The following RPS6KA6 variants were observed in gnomAD, a reference collection of about 807,000 sequenced individuals.
RPS6KA6 encodes the protein ribosomal protein S6 kinase A6.
Under a neutral mutation model 65.4 loss-of-function variants are expected in RPS6KA6, and 27 were observed. That is an observed-to-expected ratio of 0.41 (90% CI 0.30 to 0.57). The LOEUF (loss-of-function observed/expected upper bound fraction) is 0.57, where lower values mean the gene tolerates loss of function less well. Ranked by LOEUF, RPS6KA6 falls within the 20% of genes least tolerant of loss-of-function variation. The probability of loss-of-function intolerance (pLI) is 0.24; values close to 1 mark genes in which losing one functional copy is unlikely to be tolerated. For missense variants in RPS6KA6, 486 were observed against 555.6 expected, an observed-to-expected ratio of 0.87 and a Z score of 1.26; for synonymous variants, 190 against 184.2, an observed-to-expected ratio of 1.03 and a Z score of -0.26.
chrX:84,168,589 C>T (rs2035634740), intron 1 of RPS6KA6, among the ~76,000 whole-genome samples: 1 of 111,351 alleles, frequency 9.0e-6, no homozygotes, highest in Non-Finnish European at 1.9e-5. Context: ...AATATTAAGA[C>T]AGAATCGTGA....
At chrX:84,107,154 T>C in intron 13 of RPS6KA6, 114 bp from the exon 14 acceptor site, 1 of 529,196 alleles carries the variant, frequency 1.9e-6, no homozygotes, top group Non-Finnish European at 2.9e-6. Flanking sequence ...ACATATTATA[T>C]ATTTGATTTA....
intron 1 of RPS6KA6, among the ~76,000 whole-genome samples, 197 bp from the exon 2 acceptor site, chrX:84,164,584 CTT>C (rs1452395045): frequency 9.0e-6 from 1 of 111,610 alleles, no homozygotes; most frequent in Non-Finnish European, 1.9e-5. Flanking sequence ...CCTTGAGAAA[CTT>C]TGATTTTCAG....
intron 20 of RPS6KA6, among the ~76,000 whole-genome samples, chrX:84,077,031 G>T (rs940512016): frequency 1.8e-5 from 2 of 111,354 alleles, no homozygotes; most frequent in Non-Finnish European, 3.8e-5. Context: ...TTGGGGAAAA[G>T]ATATGATAAA....
At chrX:84,161,573 C>T (rs753784887) in intron 2 of RPS6KA6, among the ~76,000 whole-genome samples, 2 of 111,123 alleles carry the variant, frequency 1.8e-5, no homozygotes, top group Non-Finnish European at 3.8e-5. Flanking sequence ...AAAAAAAATC[C>T]ACCATACAGA....
chrX:84,111,332 T>C (rs1002313423), intron 12 of RPS6KA6, among the ~76,000 whole-genome samples: 1 of 111,130 alleles, frequency 9.0e-6, no homozygotes, highest in African/African-American at 3.3e-5. Flanking sequence ...ATATAAGCAA[T>C]TCAGAGAACA....
At chrX:84,117,531 G>A in intron 9 of RPS6KA6, 77 bp from the exon 10 acceptor site, 3 of 594,033 alleles carry the variant, frequency 5.1e-6, no homozygotes, top group South Asian at 9.5e-5. Flanking sequence ...GAAAAAAACT[G>A]AGACTTCTAT....
chrX:84,105,887 CG>C lies in RPS6KA6; in HGVS notation c.1366-12del, dbSNP rs1478714185. On this transcript the variant is annotated splice_polypyrimidine_tract_variant and intron_variant, in intron 15 of 21. Transcript: ENST00000262752. Reference sequence around the variant, plus strand: ...ACTTTTGTCAATGATCTAAGAAATACGAAAAAAGAAAAATATCTGAGGCAAA... The same window carrying C: ...ACTTTTGTCAATGATCTAAGAAATACAAAAAAGAAAAATATCTGAGGCAAA... 3 of 988,831 alleles carry C rather than the reference CG, an allele frequency of 3.0e-6. No individual in the cohort carries two copies. The African/African-American group carries it at 5.8e-5, about 19-fold the overall frequency. 81.5% of individuals were successfully genotyped at this position (988,831 alleles called of 1,213,427 possible).
rs747492528 is a variant in RPS6KA6, at chrX:84,102,015, T to C, written c.1776+22A>G. On this transcript the variant is annotated intron_variant, in intron 18 of 21. Coordinates refer to ENST00000262752, the MANE Select transcript of RPS6KA6 (RefSeq NM_014496.5). Reference sequence around the variant, plus strand: ...CTAAAGGAAAAGAATGAAAGGCAAATGGTGAAGTTTTTAAGGAATACCTCA... The same window carrying C: ...CTAAAGGAAAAGAATGAAAGGCAAACGGTGAAGTTTTTAAGGAATACCTCA... The C allele has an allele frequency of 5.3e-6, 6 of 1,138,612 alleles. No homozygotes were observed. The African/African-American group carries it at 1.1e-4, about 21-fold the overall frequency. The allele number at this position is 1,138,612 out of a possible 1,213,427, so 93.8% of individuals were successfully genotyped here. A position where few individuals can be genotyped will look rare whatever the true frequency, so the allele number is the denominator to read the frequency against.
intron 8 of RPS6KA6, among the ~76,000 whole-genome samples, chrX:84,126,215 A>C (rs770668826): frequency 1.8e-5 from 2 of 111,695 alleles, no homozygotes; most frequent in South Asian, 3.8e-4. Context: ...CATACAAAAT[A>C]GATTTGAAGG....
chrX:84,072,479 T>A (rs957628650), intron 20 of RPS6KA6, among the ~76,000 whole-genome samples: 1 of 111,801 alleles, frequency 8.9e-6, no homozygotes, highest in Non-Finnish European at 1.9e-5. Context: ...AAGCTTTTCC[T>A]GTATGATATG....
At chrX:84,080,230 C>A (rs1182879015) in intron 20 of RPS6KA6, among the ~76,000 whole-genome samples, 1 of 101,820 alleles carries the variant, frequency 9.8e-6, no homozygotes, top group Admixed American at 1.1e-4. Flanking sequence ...CCCAGGCAAA[C>A]AAGGTCTGGA....
chrX:84,143,011 T>C (rs1032503001), intron 6 of RPS6KA6, among the ~76,000 whole-genome samples: 1 of 110,471 alleles, frequency 9.1e-6, no homozygotes. Context: ...ATACCAAAAA[T>C]AGACATAATA....
At chrX:84,082,682 C>T (rs2033827078) in intron 20 of RPS6KA6, among the ~76,000 whole-genome samples, 1 of 111,633 alleles carries the variant, frequency 9.0e-6, no homozygotes, top group South Asian at 3.7e-4. Flanking sequence ...CATCACGCTA[C>T]CTGACTTCAA....
chrX:84,128,088 G>T (rs2147496644), intron 8 of RPS6KA6, among the ~76,000 whole-genome samples: 1 of 111,310 alleles, frequency 9.0e-6, no homozygotes, highest in South Asian at 3.7e-4. Flanking sequence ...ACTCCTCCAA[G>T]AAACTATTAG....
At chrX:84,073,186 C>T (rs1213227178) in intron 20 of RPS6KA6, among the ~76,000 whole-genome samples, 1 of 111,390 alleles carries the variant, frequency 9.0e-6, no homozygotes, top group Admixed American at 9.6e-5. Flanking sequence ...AACATATAGA[C>T]CAATGGAACA....
chrX:84,085,011 G>A (rs1348664769), intron 20 of RPS6KA6, among the ~76,000 whole-genome samples: 2 of 111,436 alleles, frequency 1.8e-5, no homozygotes, highest in African/African-American at 6.5e-5. Flanking sequence ...CCGCTTGCCT[G>A]TTGTTGGGGC....
Position 84,141,365 on chromosome X carries a change from T to A in RPS6KA6, c.501+4113A>T, listed in dbSNP as rs755401469. On this transcript the variant is annotated intron_variant, in intron 6 of 21. Transcript: ENST00000262752. ...TATTAAATTACACAACAAAGTGTTA[T>A]GGATAATATCTACAAGACAACAGCA... 4.7e-5 allele frequency among the ~76,000 whole-genome samples: 5 copies of A among 107,484 alleles called. No homozygotes were observed. In the East Asian group the frequency reaches 8.7e-4, roughly 19 times the overall value. The allele number at this position is 107,484 out of a possible 115,157, so 93.3% of individuals were successfully genotyped here. A position where few individuals can be genotyped will look rare whatever the true frequency, so the allele number is the denominator to read the frequency against.
intron 2 of RPS6KA6, among the ~76,000 whole-genome samples, chrX:84,160,846 T>C (rs1036076960): frequency 9.0e-6 from 1 of 111,212 alleles, no homozygotes; most frequent in Admixed American, 9.5e-5. Context: ...AATGCCAAAA[T>C]GCCATGAGGG....
chrX:84,091,072 T>C (rs908974173), intron 20 of RPS6KA6, among the ~76,000 whole-genome samples: 1 of 112,309 alleles, frequency 8.9e-6, no homozygotes, highest in Non-Finnish European at 1.9e-5. Flanking sequence ...AAATTCTATA[T>C]GCCTTGGTTT....
Sources: gnomAD v4.1 joint callset for allele counts (sites outside exome capture counted in the v4.1 genomes callset) on GRCh38, gnomAD v4.1.1 for gene constraint, MANE v1.5 for transcripts, NCBI Gene and HGNC (gene_info 2026-07-23, HGNC 2026-07-21) for gene names.